SPAG9: variants seen among roughly 807,000 people sequenced by gnomAD.
SPAG9 encodes the protein sperm associated antigen 9.
In SPAG9, 35 loss-of-function variants were observed where a neutral mutation model predicts 166.5. The observed-to-expected ratio is 0.21, with a 90% CI of 0.16 to 0.28. The LOEUF (loss-of-function observed/expected upper bound fraction) is 0.28, where lower values mean the gene tolerates loss of function less well. Ranked by LOEUF, SPAG9 falls within the 10% of genes least tolerant of loss-of-function variation. SPAG9 has a pLI of 1.00. For synonymous variants in SPAG9, 534 were observed against 565.5 expected, an observed-to-expected ratio of 0.94 and a Z score of 0.79; for missense variants, 1,235 against 1,603.3, an observed-to-expected ratio of 0.77 and a Z score of 3.92.
rs192843916 is a variant in SPAG9 at position 50,995,580 on chromosome 17, C to T, written c.1969-47G>A. 4.4e-4 allele frequency: 500 copies of T among 1,139,466 alleles called. 1 individual carries two copies. The African/African-American group carries it at 5.8e-3, about 13-fold the overall frequency. The allele number at this position is 1,139,466 out of a possible 1,614,324, so 70.6% of individuals were successfully genotyped here. On this transcript the variant is annotated intron_variant, in intron 16 of 29. Coordinates refer to ENST00000262013, the MANE Select transcript of SPAG9 (RefSeq NM_001130528.3). ...GTGAAAAAGGCACATTAGTAAGCCTCATCAAAAGTGAACTTATTACAGATC... is the reference window on the plus strand; with the variant it reads ...GTGAAAAAGGCACATTAGTAAGCCTTATCAAAAGTGAACTTATTACAGATC...
intron 12 of SPAG9, among the ~76,000 whole-genome samples, chr17:51,003,990 G>A (rs2045081387): frequency 6.6e-6 from 1 of 152,158 alleles, no homozygotes; most frequent in South Asian, 2.1e-4. Context: ...TTCATTCAAT[G>A]GGATATCATA....
intron 24 of SPAG9, among the ~76,000 whole-genome samples, chr17:50,983,098 A>G (rs947915457): frequency 6.6e-6 from 1 of 152,218 alleles, no homozygotes; most frequent in Admixed American, 6.5e-5. Flanking sequence ...GGAATTATGC[A>G]TACTATATTT....
At chr17:51,077,476 A>G (rs1459247208) in intron 2 of SPAG9, among the ~76,000 whole-genome samples, 2 of 152,072 alleles carry the variant, frequency 1.3e-5, no homozygotes, top group African/African-American at 4.8e-5. Context: ...ATTACCTCCA[A>G]TAGTTAAATT....
chr17:51,002,271 C>T (rs2044989131), intron 12 of SPAG9, among the ~76,000 whole-genome samples: 1 of 152,088 alleles, frequency 6.6e-6, no homozygotes, highest in Non-Finnish European at 1.5e-5. Context: ...CCTGCCTCAG[C>T]TTCTCAAAGT....
chr17:51,007,174 A>G, intron 10 of SPAG9, 95 bp downstream of exon 10: 1 of 648,766 alleles, frequency 1.5e-6, no homozygotes, highest in East Asian at 2.8e-5. Context: ...TGGGACAGGG[A>G]GATTCCATTA....
chr17:51,110,005 C>T (rs1283481918), intron 1 of SPAG9, among the ~76,000 whole-genome samples: 1 of 152,194 alleles, frequency 6.6e-6, no homozygotes, highest in Non-Finnish European at 1.5e-5. Flanking sequence ...AGCTACTACA[C>T]TCGGCCTTGG....
intron 6 of SPAG9, among the ~76,000 whole-genome samples, chr17:51,025,260 G>A (rs2046109919): frequency 7.4e-6 from 1 of 135,024 alleles, no homozygotes; most frequent in Non-Finnish European, 1.5e-5. Context: ...GGAGGCTGCA[G>A]TGAGCCAAAA....
At chr17:51,046,323 A>G (rs1368416331) in intron 4 of SPAG9, among the ~76,000 whole-genome samples, 2 of 152,178 alleles carry the variant, frequency 1.3e-5, no homozygotes, top group Non-Finnish European at 2.9e-5. Flanking sequence ...TCCAAACATA[A>G]AGCTATAATC....
At chr17:50,982,797 G>A (rs1252143286) in intron 24 of SPAG9, 125 bp from the exon 25 acceptor site, 19 of 844,464 alleles carry the variant, frequency 2.2e-5, no homozygotes, top group Non-Finnish European at 3.2e-5. Flanking sequence ...CATGTACTAA[G>A]TATATCTTTT....
At chr17:51,101,262 C>T (rs1271964596) in intron 1 of SPAG9, among the ~76,000 whole-genome samples, 3 of 148,982 alleles carry the variant, frequency 2.0e-5, no homozygotes, top group Non-Finnish European at 3.0e-5. Flanking sequence ...AGGAGAATTG[C>T]TCAAACCCAG....
intron 2 of SPAG9, among the ~76,000 whole-genome samples, chr17:51,068,507 G>A (rs55844211): frequency 0.048 from 7,335 of 152,170 alleles, 526 homozygotes; most frequent in African/African-American, 0.16. Flanking sequence ...CCACAACAAA[G>A]CTGATGATTC....
At chr17:51,113,536 G>A (rs1227542836) in intron 1 of SPAG9, among the ~76,000 whole-genome samples, 3 of 150,806 alleles carry the variant, frequency 2.0e-5, no homozygotes, top group East Asian at 2.0e-4. Flanking sequence ...AAAAGTTAGC[G>A]AGGTGTGGTT....
chr17:51,072,328 T>C (rs914754103), intron 2 of SPAG9, among the ~76,000 whole-genome samples: 1 of 148,432 alleles, frequency 6.7e-6, no homozygotes, highest in Non-Finnish European at 1.5e-5. Context: ...TGCCTCGGCC[T>C]CCCAAAGTGC....
intron 2 of SPAG9, among the ~76,000 whole-genome samples, chr17:51,059,962 A>C (rs2047458291): frequency 1.3e-5 from 2 of 152,102 alleles, no homozygotes; most frequent in African/African-American, 4.8e-5. Flanking sequence ...GGAATCAAAC[A>C]GTGACTAACC....
chr17:51,060,872 G>C (rs986920068), intron 2 of SPAG9, among the ~76,000 whole-genome samples: 2 of 142,798 alleles, frequency 1.4e-5, no homozygotes, highest in Non-Finnish European at 3.0e-5. Flanking sequence ...CCTTGAGACA[G>C]AGTCTCACTC....
rs1001470691 is a variant in SPAG9, at chr17:50,962,856, CT to C, written c.*3415del. On this transcript the variant is annotated 3_prime_UTR_variant, in exon 30 of 30. Transcript: ENST00000262013. ...AGTAACTGAAAGAATTGATTTTAAC[CT>C]TTTCTATGCAAACACAATCTGAAAA... 2.6e-5 allele frequency: 4 copies of C among 152,174 alleles called. No individual in the cohort carries two copies. The highest frequency in any genetic ancestry group is 9.6e-5 in the African/African-American group (4 of 41,454). The allele number at this position is 152,174 out of a possible 1,614,324, so 9.4% of individuals were successfully genotyped here. A position where few individuals can be genotyped will look rare whatever the true frequency, so the allele number is the denominator to read the frequency against.
intron 3 of SPAG9, among the ~76,000 whole-genome samples, chr17:51,053,850 AAAAAGTATATATAT>A (rs1441771554): frequency 4.0e-4 from 23 of 57,208 alleles, no homozygotes; most frequent in African/African-American, 2.1e-3. Flanking sequence ...AAAAAAAAAA[AAAAAGTATATATAT>A]ATATATATAT....
intron 1 of SPAG9, among the ~76,000 whole-genome samples, chr17:51,105,075 G>A (rs866348716): frequency 3.9e-5 from 6 of 151,996 alleles, no homozygotes; most frequent in African/African-American, 9.7e-5. Flanking sequence ...CAGCCTAGGC[G>A]ACTGAGCGAG....
intron 13 of SPAG9, among the ~76,000 whole-genome samples, chr17:50,999,952 C>T (rs980105208): frequency 3.9e-5 from 6 of 152,070 alleles, no homozygotes; most frequent in African/African-American, 9.7e-5. Context: ...CTTAGTCTAC[C>T]GACAGAGGAC....
Sources: gnomAD v4.1 joint callset for allele counts (sites outside exome capture counted in the v4.1 genomes callset) on GRCh38, gnomAD v4.1.1 for gene constraint, MANE v1.5 for transcripts, NCBI Gene and HGNC (gene_info 2026-07-23, HGNC 2026-07-21) for gene names.